TAFA1: variants seen among roughly 807,000 people sequenced by gnomAD.
The protein encoded by TAFA1 is TAFA chemokine like family member 1.
Under a neutral mutation model 18.5 loss-of-function variants are expected in TAFA1, and 4 were observed. The ratio of observed to expected loss-of-function variants is 0.22; its 90% CI spans 0.11 to 0.49. The LOEUF is 0.49. Among genes scored for constraint, TAFA1 ranks in the 20% least tolerant of loss-of-function variants. The pLI is 0.98. For synonymous variants in TAFA1, 56 were observed against 55.2 expected (o/e 1.01, Z -0.06); for missense variants, 147 against 169.0 (o/e 0.87, Z 0.72).
chr3:68,085,916 AT>A (rs1440475860), intron 2 of TAFA1, among the ~76,000 whole-genome samples: 1 of 152,168 alleles, frequency 6.6e-6, no homozygotes, highest in South Asian at 2.1e-4. Context: ...TGTGCCCAAC[AT>A]GGAAGGTTCT....
rs1553659965 is a variant in TAFA1 at position 68,254,176 on chromosome 3, T to TCTATCTAC, written c.119-163097_119-163096insCCTATCTA. Among the ~76,000 whole-genome samples the TCTATCTAC allele has an allele frequency of 1.2e-3, 178 of 149,822 alleles. 2 individuals carry two copies. The East Asian group carries it at 0.024, about 21-fold the overall frequency. ...ATCTATCTGTCTATCTATCTATCTA[T>TCTATCTAC]CTATCTATCTAATCTGTCTATCCAT... On this transcript the variant is annotated intron_variant, in intron 2 of 4. Transcript: ENST00000478136.
intron 2 of TAFA1, among the ~76,000 whole-genome samples, chr3:68,082,203 G>A (rs1056689326): frequency 2.0e-4 from 31 of 151,958 alleles, no homozygotes; most frequent in African/African-American, 6.1e-4. Flanking sequence ...ACTGAGCTGC[G>A]CCCACTGTCT....
intron 2 of TAFA1, among the ~76,000 whole-genome samples, chr3:68,305,391 CTATATATGACTATATGACTATATATA>C: frequency 1.2e-5 from 1 of 82,342 alleles, no homozygotes; most frequent in Non-Finnish European, 2.4e-5. Context: ...ATATATATGA[CTATATATGACTATATGACTATATATA>C]TATATATATA....
chr3:68,055,794 A>G (rs903370767), intron 2 of TAFA1, among the ~76,000 whole-genome samples: 2 of 152,118 alleles, frequency 1.3e-5, no homozygotes, highest in East Asian at 3.9e-4. Context: ...CATCTTCTTT[A>G]TCTATGCTCT....
chr3:68,509,667 A>G (rs1877346), intron 3 of TAFA1, among the ~76,000 whole-genome samples: 30,783 of 152,106 alleles, frequency 0.2, 3,225 homozygotes, highest in Middle Eastern at 0.23. Flanking sequence ...AAAGGGTAAC[A>G]TATCCTGTCA....
chr3:68,445,768 T>G (rs975393619), intron 3 of TAFA1, among the ~76,000 whole-genome samples: 1 of 152,174 alleles, frequency 6.6e-6, no homozygotes. Flanking sequence ...TTTGCATTTC[T>G]AAACAATTTC....
At chr3:68,039,541 C>A (rs1181166698) in intron 2 of TAFA1, among the ~76,000 whole-genome samples, 1 of 151,974 alleles carries the variant, frequency 6.6e-6, no homozygotes, top group African/African-American at 2.4e-5. Context: ...TCTTATTATT[C>A]TGCAAATTTC....
At chr3:68,226,423 C>T (rs1214086197) in intron 2 of TAFA1, among the ~76,000 whole-genome samples, 1 of 152,150 alleles carries the variant, frequency 6.6e-6, no homozygotes, top group African/African-American at 2.4e-5. Flanking sequence ...CGTGAATTAT[C>T]AATTCAAAAT....
In TAFA1 at chr3:68,501,823, C is replaced by T. The variant is rs2072663773; in HGVS notation, c.260-36933C>T. On this transcript the variant is annotated intron_variant, in intron 3 of 4. Coordinates refer to ENST00000478136, the MANE Select transcript of TAFA1 (RefSeq NM_213609.4). Reference sequence around the variant, plus strand: ...GGAGAAAGTGATATTGAAGCCATGTCCCATAAGAAAGAGGAGGAGCAACTA... The same window carrying T: ...GGAGAAAGTGATATTGAAGCCATGTTCCATAAGAAAGAGGAGGAGCAACTA... Among the ~76,000 whole-genome samples the T allele has an allele frequency of 4.6e-5, 7 of 152,096 alleles. No individual in the cohort carries two copies. In the South Asian group the frequency reaches 1.2e-3, roughly 27 times the overall value.
chr3:68,238,474 T>A (rs1458720266), intron 2 of TAFA1, among the ~76,000 whole-genome samples: 3 of 152,206 alleles, frequency 2.0e-5, no homozygotes, highest in African/African-American at 7.2e-5. Context: ...TCAGCTAAAT[T>A]GTGCAAAAAC....
intron 2 of TAFA1, among the ~76,000 whole-genome samples, chr3:68,197,048 T>A (rs1181368136): frequency 6.6e-6 from 1 of 151,732 alleles, no homozygotes; most frequent in African/African-American, 2.4e-5. Context: ...TTAGATGACC[T>A]ATCACAGCCT....
rs964901915 is a variant in TAFA1 at position 68,491,002 on chromosome 3, C to G, written c.260-47754C>G. On this transcript the variant is annotated intron_variant, in intron 3 of 4. Transcript: ENST00000478136. ...TATGGGTGTACACTGCCACACCCAG[C>G]TAAGTTTTGTACTTTTTATAGAGAT... is the stretch of plus-strand genomic sequence containing the variant. 4.6e-5 allele frequency among the ~76,000 whole-genome samples: 7 copies of G among 152,018 alleles called. No homozygotes were observed. In the East Asian group the frequency reaches 5.8e-4, roughly 13 times the overall value.
At chr3:68,466,376 A>C (rs1270919814) in intron 3 of TAFA1, among the ~76,000 whole-genome samples, 1 of 152,172 alleles carries the variant, frequency 6.6e-6, no homozygotes, top group Admixed American at 6.5e-5. Flanking sequence ...CTCTGAGGTC[A>C]GAAGATTGTT....
intron 2 of TAFA1, chr3:68,250,855 AT>A (rs2107161865): frequency 6.6e-6 from 1 of 152,156 alleles, no homozygotes; most frequent in East Asian, 1.9e-4. Context: ...GTCAATTACA[AT>A]TCCTAAGGGA....
At chr3:68,391,984 G>A (rs1024527096) in intron 2 of TAFA1, among the ~76,000 whole-genome samples, 1 of 152,096 alleles carries the variant, frequency 6.6e-6, no homozygotes, top group Admixed American at 6.6e-5. Context: ...GAATCATAAT[G>A]ACAGGACCAA....
intron 3 of TAFA1, among the ~76,000 whole-genome samples, chr3:68,422,196 G>A (rs2070969182): frequency 6.6e-6 from 1 of 152,102 alleles, no homozygotes; most frequent in Non-Finnish European, 1.5e-5. Flanking sequence ...CATTTCCCAA[G>A]TGAATACATA....
At chr3:68,231,385 G>A (rs796424506) in intron 2 of TAFA1, among the ~76,000 whole-genome samples, 20 of 111,760 alleles carry the variant, frequency 1.8e-4, no homozygotes, top group African/African-American at 5.7e-4. Flanking sequence ...ACGGAGTCTC[G>A]CTCTGTCGCC....
At chr3:68,502,451 G>A (rs990715947) in intron 3 of TAFA1, among the ~76,000 whole-genome samples, 3 of 152,004 alleles carry the variant, frequency 2.0e-5, no homozygotes, top group Non-Finnish European at 4.4e-5. Context: ...AATTATTTCA[G>A]ACCATTGATG....
intron 2 of TAFA1, among the ~76,000 whole-genome samples, chr3:68,334,372 G>T (rs1020796326): frequency 2.0e-5 from 3 of 151,738 alleles, no homozygotes; most frequent in Admixed American, 2.0e-4. Context: ...TGTTGTTGTT[G>T]TTACATTTGT....
Sources: gnomAD v4.1 joint callset for allele counts (sites outside exome capture counted in the v4.1 genomes callset) on GRCh38, gnomAD v4.1.1 for gene constraint, MANE v1.5 for transcripts, NCBI Gene and HGNC (gene_info 2026-07-23, HGNC 2026-07-21) for gene names.